Variants in VTI1A observed in about 807,000 individuals in gnomAD.
VTI1A encodes the protein vesicle transport through interaction with t-SNAREs homolog 1A.
In VTI1A, 22 loss-of-function variants were observed where a neutral mutation model predicts 34.9. The ratio of observed to expected loss-of-function variants is 0.63; its 90% CI spans 0.45 to 0.90. The LOEUF (loss-of-function observed/expected upper bound fraction) is 0.90. VTI1A is among the 40% of genes least tolerant of loss of function. VTI1A has a pLI of 0.00. For missense variants in VTI1A, 268 were observed against 275.6 expected, an observed-to-expected ratio of 0.97 and a Z score of 0.20; for synonymous variants, 87 against 97.3, an observed-to-expected ratio of 0.89 and a Z score of 0.62.
chr10:112,468,085 G>A (rs1438808608), intron 3 of VTI1A, among the ~76,000 whole-genome samples: 1 of 152,228 alleles, frequency 6.6e-6, no homozygotes, highest in African/African-American at 2.4e-5. Context: ...GTTCTCTACA[G>A]TTGAAGAGAG....
chr10:112,791,330 A>G (rs952104981), intron 7 of VTI1A, among the ~76,000 whole-genome samples: 2 of 152,214 alleles, frequency 1.3e-5, no homozygotes, highest in Non-Finnish European at 2.9e-5. Flanking sequence ...GGATATCAGA[A>G]ATGCCTACCA....
At chr10:112,743,377 C>G (rs1315482585) in intron 7 of VTI1A, among the ~76,000 whole-genome samples, 1 of 152,160 alleles carries the variant, frequency 6.6e-6, no homozygotes, top group African/African-American at 2.4e-5. Context: ...TTCATTATTT[C>G]ACTCCATCAT....
chr10:112,584,286 A>G (rs1196042517), intron 5 of VTI1A, among the ~76,000 whole-genome samples: 1 of 152,216 alleles, frequency 6.6e-6, no homozygotes, highest in Non-Finnish European at 1.5e-5. Flanking sequence ...ACATCAGAAT[A>G]GATAACAGAA....
chr10:112,489,710 ATAAT>A (rs1216052156), intron 3 of VTI1A, among the ~76,000 whole-genome samples: 4 of 152,324 alleles, frequency 2.6e-5, no homozygotes, highest in Admixed American at 2.0e-4. Context: ...CAAAAGATAG[ATAAT>A]TAGAGTTCAT....
At chr10:112,835,606 AACATATT>A in the VTI1A span, among the ~76,000 whole-genome samples, 6 of 152,210 alleles carry the variant, frequency 3.9e-5, no homozygotes, top group Non-Finnish European at 8.8e-5. Context: ...ACTAATGGGG[AACATATT>A]ACCTTTCATG....
intron 7 of VTI1A, among the ~76,000 whole-genome samples, chr10:112,686,254 A>C (rs77501636): frequency 6.6e-6 from 1 of 152,098 alleles, no homozygotes; most frequent in Non-Finnish European, 1.5e-5. Context: ...AGCACAGTTC[A>C]TTTTTTGTAG....
chr10:112,532,755 A>T (rs560801165), intron 4 of VTI1A, among the ~76,000 whole-genome samples: 1 of 152,288 alleles, frequency 6.6e-6, no homozygotes, highest in South Asian at 2.1e-4. Flanking sequence ...GTAAGAGCTC[A>T]TTGCCAGTTT....
At chr10:112,476,354 A>T (rs921095101) in intron 3 of VTI1A, among the ~76,000 whole-genome samples, 2 of 152,222 alleles carry the variant, frequency 1.3e-5, no homozygotes, top group African/African-American at 2.4e-5. Context: ...AGTTTAAAAG[A>T]CAAACCTTTT....
At chr10:112,723,982 A>T (rs1849911954) in intron 7 of VTI1A, among the ~76,000 whole-genome samples, 1 of 152,246 alleles carries the variant, frequency 6.6e-6, no homozygotes, top group Non-Finnish European at 1.5e-5. Context: ...TGTAAAGCTG[A>T]ATAACATCTT....
intron 7 of VTI1A, among the ~76,000 whole-genome samples, chr10:112,798,269 C>T (rs1355494809): frequency 2.0e-5 from 3 of 152,238 alleles, no homozygotes. Flanking sequence ...CCTCAGCCAA[C>T]ACTGTCTCTC....
At chr10:112,544,058 A>G (rs113377380) in intron 5 of VTI1A, among the ~76,000 whole-genome samples, 63 of 152,312 alleles carry the variant, frequency 4.1e-4, no homozygotes, top group African/African-American at 1.4e-3. Context: ...TGGTACCAGT[A>G]CCATGCTGTT....
At chr10:112,759,156 C>T (rs1391933016) in intron 7 of VTI1A, among the ~76,000 whole-genome samples, 1 of 152,118 alleles carries the variant, frequency 6.6e-6, no homozygotes, top group East Asian at 1.9e-4. Flanking sequence ...CCAAGTTAAG[C>T]TACAGTGAGA....
chr10:112,600,090 C>G (rs1161366539), intron 5 of VTI1A, among the ~76,000 whole-genome samples: 3 of 152,158 alleles, frequency 2.0e-5, no homozygotes, highest in Non-Finnish European at 4.4e-5. Flanking sequence ...AGTTTTAAAT[C>G]CAGGGCTATC....
At chr10:112,641,924 G>A (rs763003933) in intron 5 of VTI1A, among the ~76,000 whole-genome samples, 11 of 152,136 alleles carry the variant, frequency 7.2e-5, no homozygotes, top group Non-Finnish European at 1.2e-4. Flanking sequence ...GTGAGTGACC[G>A]GAAACAGGGT....
intron 7 of VTI1A, among the ~76,000 whole-genome samples, chr10:112,727,424 G>C (rs1850073318): frequency 8.6e-6 from 1 of 116,282 alleles, no homozygotes; most frequent in Non-Finnish European, 1.6e-5. Context: ...ATACCCTGCA[G>C]GGAAAAAAAA....
At chr10:112,836,633 G>A in the VTI1A span, among the ~76,000 whole-genome samples, 8 of 152,194 alleles carry the variant, frequency 5.3e-5, no homozygotes, top group Non-Finnish European at 8.8e-5. Context: ...ATCAGGCCAC[G>A]TGTAGTAGCA....
intron 3 of VTI1A, among the ~76,000 whole-genome samples, chr10:112,471,258 C>T (rs1230723997): frequency 6.6e-6 from 1 of 151,618 alleles, no homozygotes; most frequent in Non-Finnish European, 1.5e-5. Flanking sequence ...CAGTCAGCAT[C>T]GTGTGTGTGG....
intron 5 of VTI1A, among the ~76,000 whole-genome samples, chr10:112,618,050 A>G (rs1176585118): frequency 1.3e-5 from 2 of 152,226 alleles, no homozygotes; most frequent in Non-Finnish European, 2.9e-5. Flanking sequence ...GCTACTTGGG[A>G]GGCTGAAGCA....
chr10:112,793,935 G>A (rs1204467252), intron 7 of VTI1A, among the ~76,000 whole-genome samples: 9 of 152,140 alleles, frequency 5.9e-5, no homozygotes, highest in Non-Finnish European at 7.3e-5. Flanking sequence ...AAGCTGTGTC[G>A]GCAAAAGCCC....
Sources: allele counts gnomAD v4.1 joint callset (sites outside exome capture counted in the v4.1 genomes callset), GRCh38; gene constraint gnomAD v4.1.1; transcripts MANE v1.5; gene names NCBI Gene and HGNC (gene_info 2026-07-23, HGNC 2026-07-21).